The following CLYBL variants were observed in gnomAD, a reference collection of about 807,000 sequenced individuals.
CLYBL encodes citramalyl-CoA lyase, mitochondrial.
CLYBL carries 31 observed loss-of-function variants against 38.9 expected under a neutral mutation model. That is an observed-to-expected ratio of 0.80 (90% CI 0.60 to 1.08). The LOEUF (loss-of-function observed/expected upper bound fraction) is 1.08, where lower values mean the gene tolerates loss of function less well. Ranked by LOEUF, CLYBL falls within the 50% of genes least tolerant of loss-of-function variation. The probability of loss-of-function intolerance (pLI) is 0.00; values close to 1 mark genes in which losing one functional copy is unlikely to be tolerated. For missense variants in CLYBL, 434 were observed against 411.6 expected (o/e 1.05, Z -0.47); for synonymous variants, 171 against 158.6 (o/e 1.08, Z -0.59).
At position 99,666,176 on chromosome 13, in the gene CLYBL, G is replaced by A. The variant is rs542901610; in HGVS notation, c.62+59419G>A. 3.3e-5 allele frequency among the ~76,000 whole-genome samples: 5 copies of A among 152,284 alleles called. No individual in the cohort carries two copies. In the East Asian group the frequency reaches 9.6e-4, roughly 29 times the overall value. ...GAGGCAACAAGGCCCAGAAGTGCAC[G>A]TGAAGAGTGGTAGTGACGGGGGTTA... On this transcript the variant is annotated intron_variant, in intron 1 of 8. Coordinates refer to ENST00000339105, the MANE Select transcript of CLYBL (RefSeq NM_206808.5).
At chr13:99,763,664 C>T (rs909512660) in intron 1 of CLYBL, among the ~76,000 whole-genome samples, 3 of 151,644 alleles carry the variant, frequency 2.0e-5, no homozygotes, top group Admixed American at 2.0e-4. Flanking sequence ...AAGCGATTCT[C>T]CTGCCTAAGC....
intron 1 of CLYBL, among the ~76,000 whole-genome samples, chr13:99,646,895 C>T (rs932451037): frequency 2.6e-5 from 4 of 152,126 alleles, no homozygotes; most frequent in African/African-American, 7.2e-5. Context: ...GCTAGCCCTG[C>T]GATAGCTACT....
chr13:99,854,705 CCAACTGCACG>C (rs941834808), intron 2 of CLYBL, among the ~76,000 whole-genome samples: 1 of 152,092 alleles, frequency 6.6e-6, no homozygotes, highest in African/African-American at 2.4e-5. Context: ...GCCAATTGAA[CCAACTGCACG>C]CATATTTTCT....
At chr13:99,891,876 T>C (rs912584120) in intron 8 of CLYBL, 1 of 153,866 alleles carries the variant, frequency 6.5e-6, no homozygotes, top group East Asian at 1.9e-4. Context: ...AGGGGTCATC[T>C]CTATTTCACT....
At chr13:99,759,871 G>T (rs1022863064) in intron 1 of CLYBL, among the ~76,000 whole-genome samples, 15 of 152,112 alleles carry the variant, frequency 9.9e-5, no homozygotes, top group African/African-American at 3.6e-4. Context: ...GGTCAAAAAT[G>T]GTCAAATATC....
At chr13:99,901,188 C>G (rs141491186), downstream of CLYBL, among the ~76,000 whole-genome samples, 108 of 152,304 alleles carry the variant, frequency 7.1e-4, no homozygotes, top group African/African-American at 2.5e-3. Flanking sequence ...GGCCTCACTC[C>G]CAAGCTCCAT....
chr13:99,644,859 T>C (rs564359402), intron 1 of CLYBL, among the ~76,000 whole-genome samples: 3 of 152,228 alleles, frequency 2.0e-5, no homozygotes, highest in Non-Finnish European at 4.4e-5. Context: ...TCATTCTCTT[T>C]TATGACTGAA....
At chr13:99,846,502 G>C (rs2051209766) in intron 2 of CLYBL, among the ~76,000 whole-genome samples, 1 of 152,068 alleles carries the variant, frequency 6.6e-6, no homozygotes, top group Non-Finnish European at 1.5e-5. Flanking sequence ...TTCCATTCCT[G>C]CCATCACATA....
chr13:99,829,934 G>A (rs1449757490), intron 2 of CLYBL, among the ~76,000 whole-genome samples: 4 of 152,178 alleles, frequency 2.6e-5, no homozygotes, highest in African/African-American at 9.6e-5. Flanking sequence ...TGGTCTCACG[G>A]GGTGGCACCA....
intron 7 of CLYBL, among the ~76,000 whole-genome samples, chr13:99,872,652 C>T (rs1015620430): frequency 6.6e-6 from 1 of 152,150 alleles, no homozygotes; most frequent in African/African-American, 2.4e-5. Context: ...GAGTTCCAGT[C>T]TGGGCCAGCA....
chr13:99,876,069 C>CTTTTTTTT (rs10625169), intron 7 of CLYBL, among the ~76,000 whole-genome samples: 3 of 106,666 alleles, frequency 2.8e-5, no homozygotes, highest in Non-Finnish European at 5.3e-5. Flanking sequence ...TTCTATTTCA[C>CTTTTTTTT]TTTTTTTTTT....
intron 1 of CLYBL, among the ~76,000 whole-genome samples, chr13:99,759,099 T>C (rs2138726969): frequency 6.6e-6 from 1 of 152,354 alleles, no homozygotes. Context: ...GGCACCTTTT[T>C]CCAGTTTGCA....
chr13:99,658,102 A>C (rs1158608564), intron 1 of CLYBL, among the ~76,000 whole-genome samples: 1 of 152,208 alleles, frequency 6.6e-6, no homozygotes, highest in Non-Finnish European at 1.5e-5. Flanking sequence ...CGTCATGGAC[A>C]AAAGACGAGG....
In CLYBL at chr13:99,609,873, A is replaced by G. The variant is rs7323189; in HGVS notation, c.62+3116A>G. On this transcript the variant is annotated intron_variant, in intron 1 of 8. Transcript: ENST00000339105. ...TTCTATCTCTTCATTGATATTCTCTATGTACTGAAACATCGTTCTCATACT... is the reference window on the plus strand; with the variant it reads ...TTCTATCTCTTCATTGATATTCTCTGTGTACTGAAACATCGTTCTCATACT... 7.2e-3 allele frequency among the ~76,000 whole-genome samples: 1,091 copies of G among 151,808 alleles called. 7 individuals are homozygous for G. The highest frequency in any genetic ancestry group is 0.024 in the African/African-American group (1,004 of 41,364).
At chr13:99,876,248 C>T (rs796483633) in intron 7 of CLYBL, among the ~76,000 whole-genome samples, 13 of 150,468 alleles carry the variant, frequency 8.6e-5, no homozygotes, top group African/African-American at 2.9e-4. Flanking sequence ...AGTAAAACCC[C>T]GTCTCTACCA....
intron 2 of CLYBL, among the ~76,000 whole-genome samples, chr13:99,811,086 GC>G (rs1332317502): frequency 1.3e-5 from 2 of 152,084 alleles, no homozygotes; most frequent in Non-Finnish European, 2.9e-5. Context: ...ATACCTCCAG[GC>G]CCATTAGAAC....
At chr13:99,717,582 C>T (rs1345246277) in intron 1 of CLYBL, among the ~76,000 whole-genome samples, 1 of 152,046 alleles carries the variant, frequency 6.6e-6, no homozygotes, top group African/African-American at 2.4e-5. Flanking sequence ...GCCTCAGCCT[C>T]CTGTGTAACT....
At chr13:99,866,209 C>A (rs893481912) in intron 5 of CLYBL, 31 bp from the exon 6 acceptor site, 2 of 1,607,660 alleles carry the variant, frequency 1.2e-6, no homozygotes, top group African/African-American at 1.3e-5. Flanking sequence ...AAAGTTAAAG[C>A]CTCCTTTTTC....
chr13:99,837,002 C>T (rs905879841), intron 2 of CLYBL, among the ~76,000 whole-genome samples: 2 of 151,938 alleles, frequency 1.3e-5, no homozygotes, highest in African/African-American at 4.8e-5. Flanking sequence ...AACAAACCTG[C>T]ACGTTGTGCA....
Sources: gnomAD v4.1 joint callset for allele counts (sites outside exome capture counted in the v4.1 genomes callset) on GRCh38, gnomAD v4.1.1 for gene constraint, MANE v1.5 for transcripts, NCBI Gene and HGNC (gene_info 2026-07-23, HGNC 2026-07-21) for gene names.